Variants in DOCK3 observed in about 807,000 individuals in gnomAD.
DOCK3 encodes dedicator of cytokinesis 3.
In DOCK3, 60 loss-of-function variants were observed where a neutral mutation model predicts 265.6. That is an observed-to-expected ratio of 0.23 (90% CI 0.18 to 0.28). DOCK3 has a LOEUF of 0.28. DOCK3 is among the 10% of genes least tolerant of loss of function. DOCK3 has a pLI of 1.00. For missense variants in DOCK3, 1,981 were observed against 2,594.3 expected (o/e 0.76, Z 5.14); for synonymous variants, 881 against 938.0 (o/e 0.94, Z 1.11).
At position 51,071,687 on chromosome 3, in the gene DOCK3, C is replaced by T. The variant is rs138288129; in HGVS notation, c.465-3669C>T. 3.4e-3 allele frequency among the ~76,000 whole-genome samples: 517 copies of T among 152,242 alleles called. 3 individuals carry two copies. Among genetic ancestry groups the T allele is most frequent in the African/African-American group, 0.012 (492 of 41,534 alleles). ...TGGTATACCCAAGATACAGACCAGC[C>T]GATCTGACATCAGAACCCATGCTCC... is the stretch of plus-strand genomic sequence containing the variant. On this transcript the variant is annotated intron_variant, in intron 6 of 52. Coordinates refer to ENST00000266037, the MANE Select transcript of DOCK3 (RefSeq NM_004947.5).
intron 9 of DOCK3, among the ~76,000 whole-genome samples, chr3:51,096,432 C>T (rs149283890): frequency 5.9e-5 from 9 of 151,802 alleles, no homozygotes; most frequent in East Asian, 1.9e-4. Flanking sequence ...TTGATCAATT[C>T]GGCTATTGAT....
intron 1 of DOCK3, among the ~76,000 whole-genome samples, chr3:50,768,529 A>G (rs961248854): frequency 6.6e-6 from 1 of 152,248 alleles, no homozygotes; most frequent in African/African-American, 2.4e-5. Context: ...TATGCAAATC[A>G]ATAAACGTAA....
intron 1 of DOCK3, among the ~76,000 whole-genome samples, chr3:50,752,810 G>A (rs1166872056): frequency 6.6e-6 from 1 of 152,144 alleles, no homozygotes; most frequent in Non-Finnish European, 1.5e-5. Context: ...CTTATCGACT[G>A]TTAAGTGGAG....
intron 1 of DOCK3, among the ~76,000 whole-genome samples, chr3:50,730,724 G>C (rs1380850576): frequency 1.3e-5 from 2 of 152,096 alleles, no homozygotes; most frequent in African/African-American, 4.8e-5. Flanking sequence ...CTAGCTACTT[G>C]GGAGGCTTAG....
chr3:50,796,069 C>G (rs1459318370), intron 2 of DOCK3, among the ~76,000 whole-genome samples: 1 of 150,688 alleles, frequency 6.6e-6, no homozygotes, highest in Non-Finnish European at 1.5e-5. Context: ...CAGACGGAGT[C>G]TGGCTCTGTC....
chr3:50,761,612 A>T (rs1308338725), intron 1 of DOCK3, among the ~76,000 whole-genome samples: 1 of 152,166 alleles, frequency 6.6e-6, no homozygotes, highest in Non-Finnish European at 1.5e-5. Flanking sequence ...CCCAAGGGAA[A>T]AATTACCCTC....
intron 3 of DOCK3, among the ~76,000 whole-genome samples, chr3:50,859,210 G>GTTTTTTT (rs138539454): frequency 2.9e-5 from 2 of 69,264 alleles, no homozygotes; most frequent in Non-Finnish European, 5.0e-5. Context: ...AACTGGTATG[G>GTTTTTTT]TTTTTTTTTT....
At chr3:50,778,843 G>A (rs2041757480) in intron 2 of DOCK3, 85 bp downstream of exon 2, 2 of 934,316 alleles carry the variant, frequency 2.1e-6, no homozygotes, top group Non-Finnish European at 3.1e-6. Flanking sequence ...AAGATTATAA[G>A]CAATAATTCT....
At chr3:50,894,639 T>A (rs2107761719) in intron 4 of DOCK3, among the ~76,000 whole-genome samples, 1 of 152,212 alleles carries the variant, frequency 6.6e-6, no homozygotes, top group East Asian at 1.9e-4. Context: ...GTATTAAGAA[T>A]AACTATAACT....
intron 2 of DOCK3, among the ~76,000 whole-genome samples, chr3:50,831,161 G>C (rs901826995): frequency 4.8e-5 from 7 of 146,804 alleles, no homozygotes; most frequent in African/African-American, 1.5e-4. Context: ...GGTGGGTTTT[G>C]GCTGGCTTCT....
intron 1 of DOCK3, among the ~76,000 whole-genome samples, chr3:50,763,204 G>C (rs891096238): frequency 5.9e-5 from 9 of 152,130 alleles, no homozygotes; most frequent in African/African-American, 2.2e-4. Flanking sequence ...TCTGGTCTTG[G>C]ACCTGTGAGA....
intron 5 of DOCK3, among the ~76,000 whole-genome samples, chr3:51,043,218 G>A (rs547031877): frequency 1.3e-5 from 2 of 152,154 alleles, no homozygotes; most frequent in Non-Finnish European, 2.9e-5. Flanking sequence ...AAGCAGCATG[G>A]TACTGGTACA....
intron 5 of DOCK3, among the ~76,000 whole-genome samples, chr3:51,006,885 G>C (rs2078700167): frequency 6.6e-6 from 1 of 152,094 alleles, no homozygotes; most frequent in Non-Finnish European, 1.5e-5. Context: ...TTGGTTTTCT[G>C]TCCTTGCGAT....
intron 2 of DOCK3, among the ~76,000 whole-genome samples, chr3:50,794,163 A>G (rs1439089151): frequency 1.3e-5 from 2 of 152,168 alleles, no homozygotes; most frequent in Non-Finnish European, 2.9e-5. Flanking sequence ...TATGTGGTCA[A>G]TTTTAGAATG....
chr3:50,740,521 T>C (rs62260153), intron 1 of DOCK3, among the ~76,000 whole-genome samples: 10,956 of 152,262 alleles, frequency 0.072, 530 homozygotes, highest in Non-Finnish European at 0.11. Flanking sequence ...TCCACATCTT[T>C]ACTAACATTT....
At chr3:51,159,218 C>A in intron 10 of DOCK3, 26 bp from the exon 11 acceptor site, 1 of 1,608,926 alleles carries the variant, frequency 6.2e-7, no homozygotes, top group Non-Finnish European at 8.5e-7. Flanking sequence ...TATTCCTTGC[C>A]TGAATTTACT....
chr3:51,116,180 G>A (rs1224862979), intron 9 of DOCK3, among the ~76,000 whole-genome samples: 1 of 152,000 alleles, frequency 6.6e-6, no homozygotes, highest in Non-Finnish European at 1.5e-5. Context: ...GGCCAGACGT[G>A]GTGGCTCATG....
intron 1 of DOCK3, among the ~76,000 whole-genome samples, chr3:50,676,231 A>G (rs2033946635): frequency 6.6e-6 from 1 of 152,216 alleles, no homozygotes; most frequent in African/African-American, 2.4e-5. Context: ...ACCGCAATTT[A>G]ATCAAGATTT....
At chr3:51,307,485 T>C (rs2082749115) in intron 27 of DOCK3, among the ~76,000 whole-genome samples, 1 of 152,228 alleles carries the variant, frequency 6.6e-6, no homozygotes, top group African/African-American at 2.4e-5. Context: ...TAGTTAATGA[T>C]CAGCTAATAA....
Sources: allele counts gnomAD v4.1 joint callset (sites outside exome capture counted in the v4.1 genomes callset), GRCh38; gene constraint gnomAD v4.1.1; transcripts MANE v1.5; gene names NCBI Gene and HGNC (gene_info 2026-07-23, HGNC 2026-07-21).